ATF1: variants seen among roughly 807,000 people sequenced by gnomAD.
The protein encoded by ATF1 is cyclic AMP-dependent transcription factor ATF-1.
A neutral mutation model predicts 34.7 loss-of-function variants in ATF1; 16 were observed. That is an observed-to-expected ratio of 0.46 (90% CI 0.31 to 0.70). The LOEUF is 0.70. Ranked by LOEUF, ATF1 falls within the 30% of genes least tolerant of loss-of-function variation. The probability of loss-of-function intolerance (pLI) is 0.05; values close to 1 mark genes in which losing one functional copy is unlikely to be tolerated. For missense variants in ATF1, 255 were observed against 321.6 expected (o/e 0.79, Z 1.58); for synonymous variants, 105 against 113.1 (o/e 0.93, Z 0.46).
chr12:50,800,993 C>T (rs1001226533), intron 3 of ATF1, among the ~76,000 whole-genome samples: 4 of 151,990 alleles, frequency 2.6e-5, no homozygotes, highest in African/African-American at 7.3e-5. Context: ...CCCAGCTACT[C>T]GGGAGGCTGA....
At chr12:50,814,483 A>T (rs372346025) in intron 6 of ATF1, 44 bp downstream of exon 6, 198 of 1,573,858 alleles carry the variant, frequency 1.3e-4, no homozygotes, top group Non-Finnish European at 1.7e-4. Context: ...ATGTTTTTAC[A>T]AATCTCACAA....
At chr12:50,773,502 T>C (rs1269957974) in intron 1 of ATF1, among the ~76,000 whole-genome samples, 9 of 134,510 alleles carry the variant, frequency 6.7e-5, no homozygotes, top group African/African-American at 2.5e-4. Context: ...CAGGTTAGAG[T>C]GCAGTGGCAC....
intron 3 of ATF1, among the ~76,000 whole-genome samples, chr12:50,796,903 A>T (rs1941419371): frequency 6.6e-6 from 1 of 152,136 alleles, no homozygotes; most frequent in African/African-American, 2.4e-5. Context: ...AAATAAATAA[A>T]TGGGACTACG....
intron 1 of ATF1, among the ~76,000 whole-genome samples, chr12:50,776,311 G>A (rs1438847888): frequency 1.0e-5 from 1 of 98,266 alleles, no homozygotes; most frequent in Non-Finnish European, 2.6e-5. Context: ...GTGAGACTCT[G>A]TCTCAAAAAA....
At chr12:50,804,192 G>A (rs1158046044) in intron 3 of ATF1, among the ~76,000 whole-genome samples, 1 of 152,010 alleles carries the variant, frequency 6.6e-6, no homozygotes, top group African/African-American at 2.4e-5. Context: ...CTAGTCTAAA[G>A]TAAAAGGATG....
chr12:50,789,910 C>G (rs1220963450), intron 2 of ATF1, among the ~76,000 whole-genome samples: 2 of 152,098 alleles, frequency 1.3e-5, no homozygotes, highest in Non-Finnish European at 2.9e-5. Context: ...TGAGGTTAGA[C>G]GAACCGTAGT....
intron 1 of ATF1, among the ~76,000 whole-genome samples, chr12:50,772,968 G>A (rs1398651622): frequency 1.3e-5 from 2 of 152,060 alleles, no homozygotes; most frequent in Admixed American, 6.5e-5. Flanking sequence ...CCCACCATGT[G>A]TCCCCGTGTT....
intron 1 of ATF1, among the ~76,000 whole-genome samples, chr12:50,766,439 C>T (rs1013860550): frequency 3.3e-5 from 5 of 151,932 alleles, no homozygotes; most frequent in African/African-American, 1.2e-4. Context: ...TTGCTGATGG[C>T]TGTGGGTGAC....
chr12:50,776,998 A>G (rs1374593293), intron 1 of ATF1, among the ~76,000 whole-genome samples: 1 of 152,070 alleles, frequency 6.6e-6, no homozygotes, highest in African/African-American at 2.4e-5. Context: ...GATTACAGGC[A>G]TGCGACACCA....
intron 1 of ATF1, among the ~76,000 whole-genome samples, chr12:50,765,608 G>A (rs1940614174): frequency 6.6e-6 from 1 of 152,186 alleles, no homozygotes; most frequent in African/African-American, 2.4e-5. Flanking sequence ...GGTAAAATGA[G>A]GCTGAAACCT....
At chr12:50,808,819 AACCTCC>A in intron 3 of ATF1, among the ~76,000 whole-genome samples, 1 of 151,150 alleles carries the variant, frequency 6.6e-6, no homozygotes, top group Non-Finnish European at 1.5e-5. Flanking sequence ...GACTCACTGC[AACCTCC>A]GCCTCCGGAA....
At chr12:50,772,526 A>C (rs1485646024) in intron 1 of ATF1, among the ~76,000 whole-genome samples, 3 of 151,958 alleles carry the variant, frequency 2.0e-5, no homozygotes, top group Non-Finnish European at 2.9e-5. Flanking sequence ...GAGTTTCACC[A>C]TGTTGGTCAG....
chr12:50,774,700 T>C (rs1325370326), intron 1 of ATF1, among the ~76,000 whole-genome samples: 2 of 152,072 alleles, frequency 1.3e-5, no homozygotes, highest in African/African-American at 4.8e-5. Flanking sequence ...GTTTATGAGA[T>C]GAAACTATAA....
intron 6 of ATF1, among the ~76,000 whole-genome samples, chr12:50,816,255 G>C (rs1941840986): frequency 6.6e-6 from 1 of 151,900 alleles, no homozygotes; most frequent in South Asian, 2.1e-4. Context: ...TGAGCCCAGG[G>C]GGTTGAGGCA....
chr12:50,818,088 A>ACTAT (rs1413433514), intron 6 of ATF1, among the ~76,000 whole-genome samples: 2 of 151,758 alleles, frequency 1.3e-5, no homozygotes, highest in Non-Finnish European at 2.9e-5. Context: ...ATAAATTGGC[A>ACTAT]CTATCTCTTG....
intron 1 of ATF1, among the ~76,000 whole-genome samples, chr12:50,779,677 C>T (rs1167392547): frequency 6.6e-6 from 1 of 151,906 alleles, no homozygotes; most frequent in African/African-American, 2.4e-5. Flanking sequence ...CATTTATTCT[C>T]ATTCTTACCT....
intron 3 of ATF1, among the ~76,000 whole-genome samples, chr12:50,799,101 A>G (rs1162952010): frequency 6.6e-6 from 1 of 152,186 alleles, no homozygotes; most frequent in Non-Finnish European, 1.5e-5. Context: ...AAACAAGAAT[A>G]TAGTCTAGGT....
At chr12:50,767,392 C>A (rs972422634) in intron 1 of ATF1, among the ~76,000 whole-genome samples, 1 of 151,984 alleles carries the variant, frequency 6.6e-6, no homozygotes, top group Non-Finnish European at 1.5e-5. Context: ...TGGTGGCGTG[C>A]GCCTGTAGTC....
chr12:50,817,840 C>T (rs1941873956), intron 6 of ATF1, among the ~76,000 whole-genome samples: 1 of 152,158 alleles, frequency 6.6e-6, no homozygotes, highest in South Asian at 2.1e-4. Flanking sequence ...TTATTCCAAA[C>T]TTTGTGCATA....
Sources: gnomAD v4.1 joint callset for allele counts (sites outside exome capture counted in the v4.1 genomes callset) on GRCh38, gnomAD v4.1.1 for gene constraint, MANE v1.5 for transcripts, NCBI Gene and HGNC (gene_info 2026-07-23, HGNC 2026-07-21) for gene names.